BRF1: variants seen among roughly 807,000 people sequenced by gnomAD.
BRF1 encodes BRF1 general transcription factor IIIB subunit.
Under a neutral mutation model 81.7 loss-of-function variants are expected in BRF1, and 59 were observed. That is an observed-to-expected ratio of 0.72 (90% CI 0.59 to 0.90). BRF1 has a LOEUF of 0.90. BRF1 is among the 40% of genes least tolerant of loss of function. The pLI is 0.00. For missense variants in BRF1, 1,050 were observed against 936.3 expected, an observed-to-expected ratio of 1.12 and a Z score of -1.58; for synonymous variants, 491 against 395.6, an observed-to-expected ratio of 1.24 and a Z score of -2.86.
chr14:105,242,781 G>A (rs996617719), intron 5 of BRF1, among the ~76,000 whole-genome samples: 10 of 147,824 alleles, frequency 6.8e-5, no homozygotes, highest in Non-Finnish European at 8.9e-5. Flanking sequence ...CTTATAGACT[G>A]GGCAATACAG....
chr14:105,288,999 G>A, intron 1 of BRF1, among the ~76,000 whole-genome samples: 1 of 143,542 alleles, frequency 7.0e-6, no homozygotes. Flanking sequence ...TCGTGCCACT[G>A]CACTCCAGCC....
intron 1 of BRF1, among the ~76,000 whole-genome samples, chr14:105,290,461 A>T (rs2057470683): frequency 6.6e-6 from 1 of 152,162 alleles, no homozygotes; most frequent in African/African-American, 2.4e-5. Context: ...CCACCTTCCA[A>T]GAACAGGGGA....
intron 2 of BRF1, among the ~76,000 whole-genome samples, chr14:105,283,200 C>T (rs990938849): frequency 2.6e-5 from 4 of 152,140 alleles, no homozygotes; most frequent in Admixed American, 6.5e-5. Context: ...GCAAAAGGGA[C>T]GACTCCGGCG....
chr14:105,209,416 G>A lies in BRF1; in HGVS notation c.*1135C>T, dbSNP rs587601398. On this transcript the variant is annotated 3_prime_UTR_variant, in exon 18 of 18. Coordinates refer to ENST00000547530, the MANE Select transcript of BRF1 (RefSeq NM_001519.4). The stretch of plus-strand genomic sequence containing the variant: ...GGGGTAGGGGGGTCTGGCCTGCTGC[G>A]GGCCAAGTTGGGGCAGGACATACAG... The A allele has an allele frequency of 9.8e-5, 66 of 673,918 alleles. No individual in the cohort carries two copies. Among genetic ancestry groups the A allele is most frequent in the South Asian group, 6.8e-4 (44 of 64,288 alleles). The allele number at this position is 673,918 out of a possible 1,614,324, so 41.7% of individuals were successfully genotyped here.
At chr14:105,311,679 G>A (rs1595528472) in intron 1 of BRF1, among the ~76,000 whole-genome samples, 2 of 152,310 alleles carry the variant, frequency 1.3e-5, no homozygotes, top group African/African-American at 4.8e-5. Context: ...CTCACTCTCA[G>A]CAGTTGAGCT....
chr14:105,250,609 G>T, intron 5 of BRF1: 1 of 1,613,964 alleles, frequency 6.2e-7, no homozygotes. Context: ...AGTGCTCCTC[G>T]GACAGCACCA....
At chr14:105,248,729 C>T in intron 5 of BRF1, 1 of 981,982 alleles carries the variant, frequency 1.0e-6, no homozygotes, top group Non-Finnish European at 1.2e-6. Flanking sequence ...TGCCCCTAGC[C>T]TGCCTGCACG....
rs1372394618 is a variant in BRF1, at chr14:105,219,836, G to T, written c.1377+233C>A. ...CAGGCTATGTGCCGAGGGCCGCAAGGACCAGGCGCAAAGCCAGGGGCCTCT... is the reference window on the plus strand; with the variant it reads ...CAGGCTATGTGCCGAGGGCCGCAAGTACCAGGCGCAAAGCCAGGGGCCTCT... On this transcript the variant is annotated intron_variant, in intron 12 of 17. Transcript: ENST00000547530. 6.8e-6 allele frequency: 4 copies of T among 584,918 alleles called. No homozygotes were observed. The South Asian group carries it at 8.1e-5, about 12-fold the overall frequency. 36.2% of individuals were successfully genotyped at this position (584,918 alleles called of 1,614,324 possible).
At chr14:105,263,334 C>A (rs587768450) in intron 3 of BRF1, among the ~76,000 whole-genome samples, 69 of 151,764 alleles carry the variant, frequency 4.5e-4, no homozygotes, top group African/African-American at 1.5e-3. Context: ...GCCAGCCAGA[C>A]ACGAGGGGCC....
At chr14:105,249,424 A>G (rs587749365) in intron 5 of BRF1, 4 of 1,613,652 alleles carry the variant, frequency 2.5e-6, no homozygotes, top group Middle Eastern at 1.7e-4. Flanking sequence ...GCGGAAGTCA[A>G]ATCTGAAATT....
At chr14:105,241,197 C>G (rs587728080) in intron 6 of BRF1, 68 bp downstream of exon 6, 22 of 1,584,324 alleles carry the variant, frequency 1.4e-5, no homozygotes, top group South Asian at 1.1e-5. Flanking sequence ...CACCAGCACT[C>G]AGGAGTCAGG....
intron 5 of BRF1, chr14:105,248,993 G>A (rs750481308): frequency 2.0e-6 from 2 of 997,290 alleles, no homozygotes; most frequent in South Asian, 9.1e-5. Flanking sequence ...CCGCGCCAGC[G>A]CCGCCGCCGC....
At position 105,269,334 on chromosome 14, in the gene BRF1, A is replaced by T. The variant is rs2056559231; in HGVS notation, c.439+3387T>A. 6.6e-6 allele frequency among the ~76,000 whole-genome samples: 1 copy of T among 152,126 alleles called. No individual in the cohort carries two copies. The highest frequency in any genetic ancestry group is 1.5e-5 in the Non-Finnish European group (1 of 68,016). On this transcript the variant is annotated intron_variant, in intron 3 of 17. Transcript: ENST00000547530. The surrounding 1 kb of genome is among the most constrained non-coding windows in gnomAD (Gnocchi z 5.0). ...GCCCCACCAGGCCACCAGCAGCCAG[A>T]GGGGATAGAGTGCGGCCTCCCGTGA...
chr14:105,303,302 G>T (rs2140628799), upstream of BRF1, among the ~76,000 whole-genome samples: 1 of 152,186 alleles, frequency 6.6e-6, no homozygotes, highest in African/African-American at 2.4e-5. Flanking sequence ...GGAATGCAGT[G>T]GTGCGATCTT....
chr14:105,311,249 C>T (rs983248594), intron 1 of BRF1, among the ~76,000 whole-genome samples: 8 of 150,726 alleles, frequency 5.3e-5, no homozygotes, highest in Admixed American at 1.3e-4. Context: ...CCACTGTGCC[C>T]GGCCTTTTTA....
intron 7 of BRF1, chr14:105,227,060 G>C (rs117462741): frequency 5.8e-6 from 2 of 342,776 alleles, no homozygotes; most frequent in Non-Finnish European, 1.1e-5. Context: ...AGGCTGTAAC[G>C]AGCTGTGATA....
chr14:105,295,645 A>G (rs2057706881), intron 1 of BRF1, among the ~76,000 whole-genome samples: 1 of 151,856 alleles, frequency 6.6e-6, no homozygotes, highest in Admixed American at 6.6e-5. Flanking sequence ...TTAGCTGGGC[A>G]TGGTAGTGCA....
intron 1 of BRF1, among the ~76,000 whole-genome samples, chr14:105,295,203 A>G (rs1351957704): frequency 6.6e-6 from 1 of 150,786 alleles, no homozygotes; most frequent in Non-Finnish European, 1.5e-5. Context: ...AAAGCAGCTC[A>G]TGCCGCTAAT....
rs1178552401 is a variant in BRF1, at chr14:105,211,852, G to T, written c.1824+261C>A. The T allele has an allele frequency of 5.6e-6, 3 of 533,564 alleles. No individual in the cohort carries two copies. In the East Asian group the frequency reaches 9.5e-5, roughly 17 times the overall value. 33.1% of individuals were successfully genotyped at this position (533,564 alleles called of 1,614,324 possible). On this transcript the variant is annotated intron_variant, in intron 16 of 17. Coordinates refer to ENST00000547530, the MANE Select transcript of BRF1 (RefSeq NM_001519.4). ...GCTCCCTGCAGGCACCAGGCCCACAGCAAGGCTGCTCAGCCTTGGCCCGAG... is the reference window on the plus strand; with the variant it reads ...GCTCCCTGCAGGCACCAGGCCCACATCAAGGCTGCTCAGCCTTGGCCCGAG...
Sources: gnomAD v4.1 joint callset for allele counts (sites outside exome capture counted in the v4.1 genomes callset) on GRCh38, gnomAD v4.1.1 for gene constraint, Gnocchi (gnomAD v3.1) non-coding constraint, MANE v1.5 for transcripts, NCBI Gene and HGNC (gene_info 2026-07-23, HGNC 2026-07-21) for gene names.